Variants in GSE1 observed in about 807,000 individuals in gnomAD.
GSE1 encodes the protein genetic suppressor element 1.
A neutral mutation model predicts 112.6 loss-of-function variants in GSE1; 32 were observed. The ratio of observed to expected loss-of-function variants is 0.28; its 90% CI spans 0.21 to 0.38. The LOEUF (loss-of-function observed/expected upper bound fraction) is 0.38, where lower values mean the gene tolerates loss of function less well. Among genes scored for constraint, GSE1 ranks in the 10% least tolerant of loss-of-function variants. GSE1 has a pLI of 1.00. For missense variants in GSE1, 2,348 were observed against 1,699.2 expected (o/e 1.38, Z -6.71); for synonymous variants, 1,115 against 735.6 (o/e 1.52, Z -8.35).
chr16:85,534,196 A>G (rs1372811974), intron 2 of GSE1, among the ~76,000 whole-genome samples: 6 of 148,510 alleles, frequency 4.0e-5, no homozygotes, highest in Non-Finnish European at 7.4e-5. Context: ...ATCTCGGCTC[A>G]CTGCAACCTC....
chr16:85,516,084 C>T (rs1412354558), intron 2 of GSE1, among the ~76,000 whole-genome samples: 4 of 152,154 alleles, frequency 2.6e-5, no homozygotes, highest in Non-Finnish European at 5.9e-5. Context: ...GTCTTCACTC[C>T]AGTCTTCCCT....
intron 1 of GSE1, among the ~76,000 whole-genome samples, chr16:85,355,501 C>G (rs972918895): frequency 6.6e-6 from 1 of 152,224 alleles, no homozygotes; most frequent in Non-Finnish European, 1.5e-5. Context: ...GGGCCAACAA[C>G]AGCAGCCCGT....
At chr16:85,440,532 G>A (rs1195558084) in intron 2 of GSE1, among the ~76,000 whole-genome samples, 2 of 152,228 alleles carry the variant, frequency 1.3e-5, no homozygotes, top group Non-Finnish European at 2.9e-5. Context: ...ACCCCAGAAT[G>A]AGGACTCGGC....
chr16:85,331,355 G>GTATATA (rs1467067903), intron 1 of GSE1, among the ~76,000 whole-genome samples: 42 of 57,374 alleles, frequency 7.3e-4, no homozygotes, highest in Admixed American at 2.0e-3. Context: ...GTGTGTGTGT[G>GTATATA]TGTGTGTGTG....
At chr16:85,483,365 T>C (rs921398420) in intron 2 of GSE1, among the ~76,000 whole-genome samples, 1 of 152,232 alleles carries the variant, frequency 6.6e-6, no homozygotes, top group African/African-American at 2.4e-5. Context: ...AGTCCCCTTC[T>C]CTGTGACCTT....
At position 85,246,012 on chromosome 16, in the gene GSE1, C is replaced by T. The variant is rs560591406; in HGVS notation, c.2283+74205C>T. ...TTAGTGGGGAGGCAAGGGGTGTGTG[C>T]GTGTGTGTGTGTTGGGGGTTGTCTG... On this transcript the variant is annotated intron_variant, in intron 1 of 2. Transcript: ENST00000637419. Among the ~76,000 whole-genome samples, 17 of 149,098 alleles carry T rather than the reference C, an allele frequency of 1.1e-4. No individual in the cohort carries two copies. The South Asian group carries it at 2.8e-3, about 25-fold the overall frequency.
At chr16:85,422,133 C>T (rs2048859347) in intron 2 of GSE1, among the ~76,000 whole-genome samples, 2 of 152,140 alleles carry the variant, frequency 1.3e-5, no homozygotes, top group African/African-American at 4.8e-5. Context: ...CAGGGTGTGC[C>T]CGGGTCATCC....
rs1907735750 is a variant in GSE1, at chr16:85,261,945, T to G, written c.2283+90138T>G. ...GAGATATGTGTATTTTCTCATAGGC[T>G]CTCCCCCATGCCTTATGTCGGGATG... On this transcript the variant is annotated intron_variant, in intron 1 of 2. Coordinates refer to the GSE1 transcript ENST00000637419. Among the ~76,000 whole-genome samples the G allele has an allele frequency of 2.6e-5, 4 of 152,220 alleles. 1 individual carries two copies. The South Asian group carries it at 8.3e-4, about 32-fold the overall frequency.
At chr16:85,487,290 C>T (rs2050872643) in intron 2 of GSE1, among the ~76,000 whole-genome samples, 1 of 152,182 alleles carries the variant, frequency 6.6e-6, no homozygotes, top group South Asian at 2.1e-4. Context: ...CCTTGCGTCT[C>T]CTCCCGTCAC....
chr16:85,265,064 T>A (rs559922919), intron 1 of GSE1, among the ~76,000 whole-genome samples: 2 of 152,318 alleles, frequency 1.3e-5, no homozygotes, highest in South Asian at 4.1e-4. Context: ...ATGTTGTAAG[T>A]ACGCAGTAAA....
chr16:85,550,186 G>A (rs1037173600), intron 2 of GSE1, among the ~76,000 whole-genome samples: 5 of 152,102 alleles, frequency 3.3e-5, no homozygotes, highest in African/African-American at 7.2e-5. Context: ...GGGTGGGGGC[G>A]AGACGGAATT....
chr16:85,384,194 C>T (rs566540843), intron 2 of GSE1, among the ~76,000 whole-genome samples: 39 of 152,360 alleles, frequency 2.6e-4, no homozygotes, highest in African/African-American at 8.9e-4. Flanking sequence ...GGACAGGTGA[C>T]TGCCCAGCCC....
Position 85,251,725 on chromosome 16 carries a change from C to T in GSE1, c.2283+79918C>T, listed in dbSNP as rs915671060. Among the ~76,000 whole-genome samples, 5 of 152,262 alleles carry T rather than the reference C, an allele frequency of 3.3e-5. No individual in the cohort carries two copies. In the East Asian group the frequency reaches 5.8e-4, roughly 18 times the overall value. ...GGGGTACAGGACCCGCTTTTCTAAA[C>T]GCAAGCGGCTCTTCCTCTTTCCCAG... is the stretch of plus-strand genomic sequence containing the variant. On this transcript the variant is annotated intron_variant, in intron 1 of 2. Transcript: ENST00000637419.
At position 85,508,627 on chromosome 16, in the gene GSE1, C is replaced by T. The variant is rs562499084; in HGVS notation, c.2465-125287C>T. On this transcript the variant is annotated intron_variant, in intron 2 of 2. Coordinates refer to the GSE1 transcript ENST00000637419. ...GGGCCCGCGGCCTCTAAAACATCCT[C>T]GGGGAGGTGCCTCGTGGACACGTGG... 1.1e-4 allele frequency among the ~76,000 whole-genome samples: 16 copies of T among 152,288 alleles called. 1 individual carries two copies. The highest frequency in any genetic ancestry group is 1.2e-4 in the Non-Finnish European group (8 of 68,022).
At chr16:85,404,211 C>A (rs1282801369) in intron 2 of GSE1, among the ~76,000 whole-genome samples, 2 of 95,810 alleles carry the variant, frequency 2.1e-5, no homozygotes, top group Non-Finnish European at 4.3e-5. Context: ...CCTGGATAAT[C>A]CTCACCGTTA....
chr16:85,182,386 C>T (rs761669267), intron 1 of GSE1, among the ~76,000 whole-genome samples: 1 of 152,224 alleles, frequency 6.6e-6, no homozygotes, highest in Non-Finnish European at 1.5e-5. Flanking sequence ...GGTGGCCTCA[C>T]GTGTGAGCCC....
chr16:85,667,033 G>A (rs762787309), intron 13 of GSE1, among the ~76,000 whole-genome samples: 2 of 152,244 alleles, frequency 1.3e-5, no homozygotes, highest in Non-Finnish European at 2.9e-5. Context: ...CAGATACTAT[G>A]CCACTTTATA....
chr16:85,581,376 G>A (rs1166590667), intron 1 of GSE1, among the ~76,000 whole-genome samples: 1 of 152,230 alleles, frequency 6.6e-6, no homozygotes, highest in Non-Finnish European at 1.5e-5. Context: ...ACTGCACGGT[G>A]TCCCTGGCAA....
At chr16:85,328,145 A>T (rs2046263484) in intron 1 of GSE1, among the ~76,000 whole-genome samples, 1 of 152,236 alleles carries the variant, frequency 6.6e-6, no homozygotes, top group Non-Finnish European at 1.5e-5. Context: ...CGATGCCAGG[A>T]AGCTCGTTCT....
Sources: allele counts gnomAD v4.1 joint callset (sites outside exome capture counted in the v4.1 genomes callset), GRCh38; gene constraint gnomAD v4.1.1; transcripts MANE v1.5; gene names NCBI Gene and HGNC (gene_info 2026-07-23, HGNC 2026-07-21).